SDK1: variants seen among roughly 807,000 people sequenced by gnomAD.
SDK1 encodes sidekick cell adhesion molecule 1.
Under a neutral mutation model 245.5 loss-of-function variants are expected in SDK1, and 157 were observed. The ratio of observed to expected loss-of-function variants is 0.64; its 90% CI spans 0.56 to 0.73. SDK1 has a LOEUF of 0.73. Ranked by LOEUF, SDK1 falls within the 30% of genes least tolerant of loss-of-function variation. SDK1 has a pLI of 0.00. For missense variants in SDK1, 3,583 were observed against 3,002.3 expected, an observed-to-expected ratio of 1.19 and a Z score of -4.52; for synonymous variants, 1,647 against 1,278.5, an observed-to-expected ratio of 1.29 and a Z score of -6.15.
At chr7:3,394,069 G>A (rs1453137167) in intron 1 of SDK1, among the ~76,000 whole-genome samples, 2 of 152,130 alleles carry the variant, frequency 1.3e-5, no homozygotes, top group African/African-American at 4.8e-5. Context: ...ACTGGTTCTT[G>A]CAGACTTCTA....
At chr7:3,445,956 T>C (rs1176524393) in intron 1 of SDK1, among the ~76,000 whole-genome samples, 1 of 152,120 alleles carries the variant, frequency 6.6e-6, no homozygotes, top group Non-Finnish European at 1.5e-5. Flanking sequence ...ACAAATTCTC[T>C]TTATTATTTC....
Position 4,266,057 on chromosome 7 carries a change from T to C in SDK1, c.*673T>C. 1 of 985,432 alleles carries C rather than the reference T, an allele frequency of 1.0e-6. No homozygotes were observed. The highest frequency in any genetic ancestry group is 1.2e-6 in the Non-Finnish European group (1 of 829,958). 61.0% of individuals were successfully genotyped at this position (985,432 alleles called of 1,614,324 possible). The stretch of plus-strand genomic sequence containing the variant: ...CACTGCAGTGGTGCGGTCCTCAGGC[T>C]TTTCTGCCTGTCTTTCCCCCTTCCT... On this transcript the variant is annotated 3_prime_UTR_variant, in exon 45 of 45. Coordinates refer to ENST00000404826, the MANE Select transcript of SDK1 (RefSeq NM_152744.4).
intron 22 of SDK1, among the ~76,000 whole-genome samples, chr7:4,085,422 C>G (rs973711716): frequency 3.9e-5 from 6 of 152,186 alleles, no homozygotes; most frequent in Non-Finnish European, 8.8e-5. Context: ...AGTTGCAGTA[C>G]TGTTCTAAAG....
intron 1 of SDK1, among the ~76,000 whole-genome samples, chr7:3,476,999 A>C (rs1781364732): frequency 6.6e-6 from 1 of 152,178 alleles, no homozygotes; most frequent in African/African-American, 2.4e-5. Context: ...TAGCATGTGC[A>C]AGAAGAGGGC....
At chr7:4,221,497 T>C (rs1394058399) in intron 40 of SDK1, 133 bp downstream of exon 40, 1 of 1,169,788 alleles carries the variant, frequency 8.5e-7, no homozygotes, top group African/African-American at 1.5e-5. Context: ...AGGGCGGTTT[T>C]GGTGAAAGAA....
chr7:3,460,738 T>C (rs1261992058), intron 1 of SDK1, among the ~76,000 whole-genome samples: 1 of 152,158 alleles, frequency 6.6e-6, no homozygotes, highest in Non-Finnish European at 1.5e-5. Flanking sequence ...AGTTAAAAAC[T>C]TATTTTGGGG....
At chr7:4,151,228 G>C (rs762056833) in intron 30 of SDK1, among the ~76,000 whole-genome samples, 18 of 152,176 alleles carry the variant, frequency 1.2e-4, no homozygotes, top group Non-Finnish European at 1.9e-4. Flanking sequence ...CCACAGACCA[G>C]CAAGGAAGCC....
At chr7:3,394,187 C>T (rs1781834010) in intron 1 of SDK1, among the ~76,000 whole-genome samples, 1 of 152,046 alleles carries the variant, frequency 6.6e-6, no homozygotes, top group Non-Finnish European at 1.5e-5. Context: ...GTCAGTCTCT[C>T]CTCTACTTCT....
At chr7:3,713,009 T>C (rs555284416) in intron 4 of SDK1, among the ~76,000 whole-genome samples, 3 of 152,316 alleles carry the variant, frequency 2.0e-5, no homozygotes, top group South Asian at 4.1e-4. Flanking sequence ...CACAAGCTTG[T>C]CTTAAGGGGA....
rs10479827 is a variant in SDK1, at chr7:3,740,146, A to G, written c.714-81304A>G. ...GCTATGTGCTGGCAGGCAGTTTACA[A>G]CCCTCCACTTGCTTGCTTAGAGCCA... On this transcript the variant is annotated intron_variant, in intron 4 of 44. Coordinates refer to ENST00000404826, the MANE Select transcript of SDK1 (RefSeq NM_152744.4). 6.1e-3 allele frequency among the ~76,000 whole-genome samples: 929 copies of G among 152,038 alleles called. 11 individuals are homozygous for G. Among genetic ancestry groups the G allele is most frequent in the African/African-American group, 0.022 (893 of 41,440 alleles).
rs568732763 is a variant in SDK1 at position 3,963,040 on chromosome 7, C to G, written c.1429+189C>G. On this transcript the variant is annotated intron_variant, in intron 9 of 44. Transcript: ENST00000404826. ...CCACTGGGTACACCCAGGCTCACAG[C>G]TACCTGACCTGGACGTATCCAGTGA... Among the ~76,000 whole-genome samples the G allele has an allele frequency of 9.3e-3, 1,268 of 135,680 alleles. 4 individuals carry two copies. Among genetic ancestry groups the G allele is most frequent in the Non-Finnish European group, 0.014 (893 of 63,772 alleles). 89.0% of individuals were successfully genotyped at this position (135,680 alleles called of 152,430 possible).
At chr7:3,775,872 G>A (rs979561408) in intron 4 of SDK1, among the ~76,000 whole-genome samples, 21 of 152,144 alleles carry the variant, frequency 1.4e-4, no homozygotes, top group African/African-American at 3.1e-4. Flanking sequence ...CACCGCGCCC[G>A]GCCTAGTACC....
chr7:3,426,688 T>C (rs982296630), intron 1 of SDK1, among the ~76,000 whole-genome samples: 1 of 152,248 alleles, frequency 6.6e-6, no homozygotes, highest in Non-Finnish European at 1.5e-5. Flanking sequence ...TTCTTAAAGA[T>C]GATTTATCTT....
At chr7:4,134,019 TC>T (rs1562861724) in intron 28 of SDK1, among the ~76,000 whole-genome samples, 2 of 152,174 alleles carry the variant, frequency 1.3e-5, no homozygotes, top group Admixed American at 6.5e-5. Context: ...CAGGAATTCA[TC>T]CAAGGTCTTT....
At chr7:3,985,697 A>C (rs1015117272) in intron 13 of SDK1, among the ~76,000 whole-genome samples, 3 of 152,202 alleles carry the variant, frequency 2.0e-5, no homozygotes, top group Non-Finnish European at 4.4e-5. Context: ...AGAGAAAACA[A>C]GACGACATCC....
intron 1 of SDK1, among the ~76,000 whole-genome samples, chr7:3,378,188 G>A (rs557722950): frequency 1.1e-4 from 17 of 152,246 alleles, no homozygotes; most frequent in Non-Finnish European, 7.4e-5. Flanking sequence ...TCTTTCGGGG[G>A]CTACAATTAA....
intron 1 of SDK1, among the ~76,000 whole-genome samples, chr7:3,477,723 A>G (rs770498197): frequency 2.0e-5 from 3 of 151,840 alleles, no homozygotes; most frequent in Non-Finnish European, 2.9e-5. Flanking sequence ...TATGTTGTTC[A>G]GGCTTGTCCC....
intron 32 of SDK1, among the ~76,000 whole-genome samples, chr7:4,171,734 C>T (rs1049601269): frequency 3.9e-5 from 6 of 152,342 alleles, no homozygotes; most frequent in East Asian, 1.9e-4. Context: ...CCAACTCCAC[C>T]GTCCATTTGA....
At chr7:3,527,828 TAGTC>T (rs1374876162) in intron 1 of SDK1, among the ~76,000 whole-genome samples, 4 of 149,618 alleles carry the variant, frequency 2.7e-5, no homozygotes, top group African/African-American at 7.4e-5. Flanking sequence ...GGTTGGATGA[TAGTC>T]AGCTAGGGGG....
Sources: gnomAD v4.1 joint callset for allele counts (sites outside exome capture counted in the v4.1 genomes callset) on GRCh38, gnomAD v4.1.1 for gene constraint, MANE v1.5 for transcripts, NCBI Gene and HGNC (gene_info 2026-07-23, HGNC 2026-07-21) for gene names.